ARHGEF18: variants seen among roughly 807,000 people sequenced by gnomAD.
ARHGEF18 encodes the protein Rho/Rac guanine nucleotide exchange factor 18.
ARHGEF18 carries 93 observed loss-of-function variants against 155.7 expected under a neutral mutation model. That is an observed-to-expected ratio of 0.60 (90% CI 0.50 to 0.71). ARHGEF18 has a LOEUF of 0.71. Among genes scored for constraint, ARHGEF18 ranks in the 30% least tolerant of loss-of-function variants. ARHGEF18 has a pLI of 0.00. For missense variants in ARHGEF18, 1,593 were observed against 1,816.1 expected (o/e 0.88, Z 2.23); for synonymous variants, 742 against 753.1 (o/e 0.99, Z 0.24).
intron 14 of ARHGEF18, among the ~76,000 whole-genome samples, chr19:7,446,217 G>T (rs773864303): frequency 9.2e-5 from 14 of 151,806 alleles, no homozygotes; most frequent in Non-Finnish European, 1.8e-4. Context: ...TGACCAACAT[G>T]GTCAGGTTAG....
In ARHGEF18 at chr19:7,469,952, A is replaced by AAG; in HGVS notation, c.3838_3839dup (p.Asp1280GlufsTer12). ...CTGCTGCTCAACAAGCTCATGGGGA[A>AAG]AGATGAGAGCACCTCACGGAACCGC... On this transcript the variant is annotated frameshift_variant, in exon 28 of 29. Transcript: ENST00000668164. LOFTEE classifies it high-confidence loss of function. The AAG allele has an allele frequency of 6.2e-7, 1 of 1,613,104 alleles. No homozygotes were observed. The highest frequency in any genetic ancestry group is 8.5e-7 in the Non-Finnish European group (1 of 1,179,882).
chr19:7,421,105 A>T (rs533236874), intron 10 of ARHGEF18, among the ~76,000 whole-genome samples: 3 of 149,940 alleles, frequency 2.0e-5, no homozygotes, highest in Admixed American at 6.7e-5. Context: ...TAATTTTTGT[A>T]TTTTTTGTAG....
chr19:7,376,553 C>A, intron 4 of ARHGEF18, 90 bp from the exon 5 acceptor site: 1 of 740,636 alleles, frequency 1.4e-6, no homozygotes, highest in Non-Finnish European at 1.9e-6. Flanking sequence ...TGGAGGTGGC[C>A]CTGGCTGTGG....
At chr19:7,452,848 C>T (rs1026487779) in intron 16 of ARHGEF18, among the ~76,000 whole-genome samples, 1 of 151,698 alleles carries the variant, frequency 6.6e-6, no homozygotes, top group African/African-American at 2.4e-5. Flanking sequence ...GGCAGTTTTG[C>T]CACTTGAATT....
In ARHGEF18 at chr19:7,420,817, G is replaced by C. The variant is rs141338288; in HGVS notation, c.968-19527G>C. Reference sequence around the variant, plus strand: ...GGCCCTGCCCTGAGTCACACCCGTCGTGGAGAGGAGACGTTATGGGGTGAG... The same window carrying C: ...GGCCCTGCCCTGAGTCACACCCGTCCTGGAGAGGAGACGTTATGGGGTGAG... On this transcript the variant is annotated intron_variant, in intron 10 of 28. Coordinates refer to ENST00000668164, the MANE Select transcript of ARHGEF18 (RefSeq NM_001367823.1). 3.4e-3 allele frequency among the ~76,000 whole-genome samples: 513 copies of C among 152,340 alleles called. 1 individual carries two copies. Among genetic ancestry groups the C allele is most frequent in the African/African-American group, 0.012 (487 of 41,570 alleles).
At chr19:7,466,848 G>GAAA in intron 23 of ARHGEF18, 70 bp from the exon 24 acceptor site, 2 of 753,110 alleles carry the variant, frequency 2.7e-6, no homozygotes, top group Non-Finnish European at 4.3e-6. Flanking sequence ...AGAAGAAGAA[G>GAAA]AAGAAGGCTT....
At position 7,462,032 on chromosome 19, in the gene ARHGEF18, G is replaced by T; in HGVS notation, c.2453-120G>T. 1 of 1,116,906 alleles carries T rather than the reference G, an allele frequency of 9.0e-7. No individual in the cohort carries two copies. Among genetic ancestry groups the T allele is most frequent in the Admixed American group, 1.9e-5 (1 of 53,248 alleles). 69.2% of individuals were successfully genotyped at this position (1,116,906 alleles called of 1,614,324 possible). On this transcript the variant is annotated intron_variant, in intron 20 of 28. Transcript: ENST00000668164. This position sits in a 1 kb window ranked among gnomAD's most constrained non-coding sequence, Gnocchi z 4.4. Reference sequence around the variant, plus strand: ...CCTCCCAGGAATGCAGGACACAAGGGGGCAGCCTACCTCAGGGCAGGGCCA... The same window carrying T: ...CCTCCCAGGAATGCAGGACACAAGGTGGCAGCCTACCTCAGGGCAGGGCCA...
At chr19:7,433,395 A>C (rs935508713) in intron 10 of ARHGEF18, among the ~76,000 whole-genome samples, 1 of 147,304 alleles carries the variant, frequency 6.8e-6, no homozygotes, top group African/African-American at 2.5e-5. Context: ...TGAACCCAGG[A>C]GGCGGGGTTG....
chr19:7,425,764 C>T lies in ARHGEF18; in HGVS notation c.968-14580C>T, dbSNP rs552799463. ...CCTGTAATCTCAGCACTTTGGGAGA[C>T]CAAGGCAGGAGAATCGCTTGAGGTT... is the stretch of plus-strand genomic sequence containing the variant. On this transcript the variant is annotated intron_variant, in intron 10 of 28. Coordinates refer to ENST00000668164, the MANE Select transcript of ARHGEF18 (RefSeq NM_001367823.1). Among the ~76,000 whole-genome samples, 5 of 151,140 alleles carry T rather than the reference C, an allele frequency of 3.3e-5. No homozygotes were observed. The South Asian group carries it at 1.0e-3, about 32-fold the overall frequency.
At chr19:7,455,084 T>C (rs1975744430) in intron 17 of ARHGEF18, among the ~76,000 whole-genome samples, 1 of 152,180 alleles carries the variant, frequency 6.6e-6, no homozygotes, top group Non-Finnish European at 1.5e-5. Flanking sequence ...TCTATTCACA[T>C]CAGCATCTTT....
rs756012104 is a variant in ARHGEF18 at position 7,378,450 on chromosome 19, GTGTGAGTTTC to G, written c.599+2_599+11del. ...AAAAGACCATGTGGAACCAGATCAC[GTGTGAGTTTC>G]TGCCTCGTGGTGGGGGAGGGACCCC... On this transcript the variant is annotated splice_donor_variant and splice_donor_5th_base_variant and coding_sequence_variant and intron_variant, in exon 6 of 29. Coordinates refer to ENST00000668164, the MANE Select transcript of ARHGEF18 (RefSeq NM_001367823.1). LOFTEE classifies it high-confidence loss of function. 2.2e-4 allele frequency: 274 copies of G among 1,234,244 alleles called. 1 individual carries two copies. Among genetic ancestry groups the G allele is most frequent in the Admixed American group, 1.7e-4 (4 of 23,682 alleles). 76.5% of individuals were successfully genotyped at this position (1,234,244 alleles called of 1,614,324 possible). A position where few individuals can be genotyped will look rare whatever the true frequency, so the allele number is the denominator to read the frequency against.
chr19:7,412,709 T>A (rs1342055481), intron 10 of ARHGEF18, among the ~76,000 whole-genome samples: 1 of 148,238 alleles, frequency 6.7e-6, no homozygotes, highest in Non-Finnish European at 1.5e-5. Flanking sequence ...GCCACTGCAC[T>A]GGAGCCTGGG....
At chr19:7,438,625 A>T (rs8112354) in intron 10 of ARHGEF18, among the ~76,000 whole-genome samples, 1 of 151,648 alleles carries the variant, frequency 6.6e-6, no homozygotes, top group Non-Finnish European at 1.5e-5. Context: ...TGGCTAGGCT[A>T]GTCTTGAACT....
intron 15 of ARHGEF18, among the ~76,000 whole-genome samples, chr19:7,448,418 T>C (rs1175637776): frequency 1.3e-5 from 2 of 152,146 alleles, no homozygotes; most frequent in Non-Finnish European, 2.9e-5. Context: ...TCCCAGCATT[T>C]TGGGAGGCCA....
At chr19:7,478,546 C>T in the ARHGEF18 span, among the ~76,000 whole-genome samples, 24 of 152,230 alleles carry the variant, frequency 1.6e-4, no homozygotes, top group Non-Finnish European at 1.5e-5. Context: ...CTCATGCTCC[C>T]GGGGACTCAT....
Position 7,462,154 on chromosome 19 carries a change from C to T in ARHGEF18, c.2455C>T (p.Arg819Trp), listed in dbSNP as rs532220710. The change falls in exon 21 of 29, where the codon CGG becomes TGG. Residue 819 changes from arginine (R) to tryptophan (W), a missense_variant and splice_region_variant. Coordinates refer to ENST00000668164, the MANE Select transcript of ARHGEF18 (RefSeq NM_001367823.1). The surrounding 1 kb of genome is among the most constrained non-coding windows in gnomAD (Gnocchi z 4.4). ...CCACCTCCACCATCACTCTGCAGAG[C>T]GGTTGAGCATGAAAGACCAGCTGAT... ...RATRLRDFQE[R>W]LSMKDQLIAQ... 3.7e-6 allele frequency: 6 copies of T among 1,613,680 alleles called. No homozygotes were observed. Among genetic ancestry groups the T allele is most frequent in the East Asian group, 4.5e-5 (2 of 44,880 alleles).
chr19:7,382,871 C>A lies in ARHGEF18; in HGVS notation c.802C>A (p.Arg268=). ...VKRRLSCLRS[R]VTRQKEKGKS... ...GCGCAGGCTGAGCTGCCTCCGCAGTCGAGTGACCAGGCAGAAGGAGAAGGT... is the reference window on the plus strand; with the variant it reads ...GCGCAGGCTGAGCTGCCTCCGCAGTAGAGTGACCAGGCAGAAGGAGAAGGT... The change falls in exon 9 of 29, where the codon CGA becomes AGA. Residue 268 remains arginine (R), a synonymous_variant. Transcript: ENST00000668164. 1 of 1,232,546 alleles carries A rather than the reference C, an allele frequency of 8.1e-7. No homozygotes were observed. The highest frequency in any genetic ancestry group is 4.1e-5 in the South Asian group (1 of 24,288). 76.4% of individuals were successfully genotyped at this position (1,232,546 alleles called of 1,614,324 possible).
At chr19:7,424,932 T>A (rs1411151433) in intron 10 of ARHGEF18, among the ~76,000 whole-genome samples, 2 of 150,736 alleles carry the variant, frequency 1.3e-5, no homozygotes, top group African/African-American at 2.4e-5. Context: ...AGGCAGAGGT[T>A]GCAGTGAGCC....
chr19:7,373,190 CT>C, intron 3 of ARHGEF18, 119 bp downstream of exon 3: 1 of 1,181,736 alleles, frequency 8.5e-7, no homozygotes, highest in Non-Finnish European at 1.1e-6. Context: ...GGTCCCCAAC[CT>C]TTTTGGTACC....
Sources: allele counts gnomAD v4.1 joint callset (sites outside exome capture counted in the v4.1 genomes callset), GRCh38; gene constraint gnomAD v4.1.1; non-coding constraint Gnocchi (gnomAD v3.1); transcripts MANE v1.5; gene names NCBI Gene and HGNC (gene_info 2026-07-23, HGNC 2026-07-21).